VPS13C: variants seen among roughly 807,000 people sequenced by gnomAD.
The protein encoded by VPS13C is vacuolar protein sorting 13 homolog C.
Under a neutral mutation model 456.8 loss-of-function variants are expected in VPS13C, and 358 were observed. The ratio of observed to expected loss-of-function variants is 0.78; its 90% CI spans 0.72 to 0.86. The LOEUF (loss-of-function observed/expected upper bound fraction) is 0.86. VPS13C is among the 40% of genes least tolerant of loss of function. The pLI, the probability that VPS13C is intolerant of heterozygous loss-of-function variation, is 0.00. For missense variants in VPS13C, 4,818 were observed against 4,385.4 expected, an observed-to-expected ratio of 1.10 and a Z score of -2.79; for synonymous variants, 1,578 against 1,486.7, an observed-to-expected ratio of 1.06 and a Z score of -1.41.
chr15:61,925,824 G>T (rs1404331110), intron 52 of VPS13C, among the ~76,000 whole-genome samples: 1 of 152,118 alleles, frequency 6.6e-6, no homozygotes, highest in Admixed American at 6.5e-5. Context: ...TGTTTAAAAT[G>T]TTTCTTTCTG....
intron 75 of VPS13C, among the ~76,000 whole-genome samples, chr15:61,876,295 G>C (rs1216424624): frequency 6.6e-6 from 1 of 151,882 alleles, no homozygotes. Flanking sequence ...TTTAAAAAGG[G>C]AAGTTACACT....
intron 35 of VPS13C, 22 bp downstream of exon 35, chr15:61,961,567 C>T: frequency 6.6e-7 from 1 of 1,505,042 alleles, no homozygotes; most frequent in East Asian, 2.3e-5. Flanking sequence ...TATTTAAATC[C>T]ATAATTATTG....
intron 1 of VPS13C, among the ~76,000 whole-genome samples, chr15:62,054,987 G>A (rs1035087427): frequency 6.6e-6 from 1 of 152,082 alleles, no homozygotes; most frequent in Non-Finnish European, 1.5e-5. Flanking sequence ...TTTGCCCAGG[G>A]TCCCACAGCT....
chr15:61,920,755 G>A (rs766578737), intron 55 of VPS13C, 108 bp from the exon 56 acceptor site: 168 of 974,414 alleles, frequency 1.7e-4, no homozygotes, highest in Admixed American at 2.6e-4. Flanking sequence ...GTAATGCTTC[G>A]CAAAAGTCTT....
intron 37 of VPS13C, among the ~76,000 whole-genome samples, chr15:61,955,436 C>A (rs190707549): frequency 6.6e-6 from 1 of 152,084 alleles, no homozygotes; most frequent in Admixed American, 6.6e-5. Flanking sequence ...ACCATTATTG[C>A]GGTTGACATT....
rs1016565691 is a variant in VPS13C at position 61,906,939 on chromosome 15, T to C, written c.9105+325A>G. ...TAAAAACTCATAGCCAAAAGTGGCA[T>C]AGGTATGTTCAAAATAAAGTTGTTT... On this transcript the variant is annotated intron_variant, in intron 66 of 84. Transcript: ENST00000644861. The C allele has an allele frequency of 3.9e-5, 10 of 257,260 alleles. No homozygotes were observed. The Admixed American group carries it at 4.6e-4, about 12-fold the overall frequency. The allele number at this position is 257,260 out of a possible 1,614,324, so 15.9% of individuals were successfully genotyped here. A position where few individuals can be genotyped will look rare whatever the true frequency, so the allele number is the denominator to read the frequency against.
chr15:61,905,127 G>A (rs2043118405), intron 66 of VPS13C, among the ~76,000 whole-genome samples: 1 of 152,186 alleles, frequency 6.6e-6, no homozygotes, highest in Admixed American at 6.5e-5. Flanking sequence ...TAGAAGAGAA[G>A]ATTTGAAATG....
At chr15:62,013,732 T>G (rs2047126201) in intron 10 of VPS13C, among the ~76,000 whole-genome samples, 1 of 152,032 alleles carries the variant, frequency 6.6e-6, no homozygotes, top group South Asian at 2.1e-4. Flanking sequence ...ATCCTGTATC[T>G]TCACTTGATA....
intron 24 of VPS13C, among the ~76,000 whole-genome samples, chr15:61,976,234 C>G (rs1208788423): frequency 6.6e-6 from 1 of 151,872 alleles, no homozygotes; most frequent in Non-Finnish European, 1.5e-5. Flanking sequence ...GGTTTAACAT[C>G]CACCTGATAA....
At chr15:62,049,234 T>A (rs201397236) in intron 1 of VPS13C, among the ~76,000 whole-genome samples, 6 of 152,008 alleles carry the variant, frequency 3.9e-5, no homozygotes, top group South Asian at 2.1e-4. Context: ...TTTATGGTTT[T>A]AGGTCTAACA....
intron 65 of VPS13C, among the ~76,000 whole-genome samples, chr15:61,908,437 A>G (rs1293743228): frequency 6.6e-6 from 1 of 151,980 alleles, no homozygotes. Flanking sequence ...TTAAATAATG[A>G]CATCATCCAA....
rs748937567 is a variant in VPS13C, at chr15:61,962,355, C to T, written c.3603+16G>A. On this transcript the variant is annotated intron_variant, in intron 34 of 84. Coordinates refer to ENST00000644861, the MANE Select transcript of VPS13C (RefSeq NM_020821.3). Reference sequence around the variant, plus strand: ...ATTTCAAAGTTGAAAAATCAATATACAAATAATTATTTTACCAGAAGTGAC... The same window carrying T: ...ATTTCAAAGTTGAAAAATCAATATATAAATAATTATTTTACCAGAAGTGAC... The T allele has an allele frequency of 6.4e-7, 1 of 1,562,716 alleles. No homozygotes were observed. Among genetic ancestry groups the T allele is most frequent in the African/African-American group, 1.4e-5 (1 of 73,136 alleles).
rs754471759 is a variant in VPS13C, at chr15:61,978,760, G to A, written c.2167-11C>T. 1.3e-6 allele frequency: 2 copies of A among 1,565,324 alleles called. No individual in the cohort carries two copies. Among genetic ancestry groups the A allele is most frequent in the East Asian group, 2.3e-5 (1 of 42,984 alleles). On this transcript the variant is annotated splice_polypyrimidine_tract_variant and intron_variant, in intron 22 of 84. Transcript: ENST00000644861. The stretch of plus-strand genomic sequence containing the variant: ...ATCTTTACTGTTGAGCTAAAATGAA[G>A]GACAAATTTCAATTTTTTTTTCCAA...
At chr15:61,978,872 C>A in intron 22 of VPS13C, 123 bp from the exon 23 acceptor site, 1 of 823,354 alleles carries the variant, frequency 1.2e-6, no homozygotes, top group Non-Finnish European at 1.8e-6. Flanking sequence ...GAAAATACTG[C>A]TCTTAATGAA....
chr15:61,986,165 T>C (rs1411509702), intron 18 of VPS13C, among the ~76,000 whole-genome samples: 1 of 146,276 alleles, frequency 6.8e-6, no homozygotes, highest in Non-Finnish European at 1.5e-5. Context: ...ACTAGATTCA[T>C]GACAAATTGG....
chr15:61,881,023 G>T, intron 71 of VPS13C, 69 bp from the exon 72 acceptor site: 1 of 1,292,596 alleles, frequency 7.7e-7, no homozygotes, highest in Non-Finnish European at 1.1e-6. Context: ...TTAAAACTTT[G>T]ATTTCAGTGA....
intron 37 of VPS13C, among the ~76,000 whole-genome samples, chr15:61,955,277 A>T (rs930313174): frequency 6.6e-6 from 1 of 152,104 alleles, no homozygotes; most frequent in Non-Finnish European, 1.5e-5. Flanking sequence ...TAAGAACTTT[A>T]TTGTCCTTAT....
rs190727938 is a variant in VPS13C at position 61,860,741 on chromosome 15, G to A, written c.10952+2699C>T. 2.5e-4 allele frequency among the ~76,000 whole-genome samples: 38 copies of A among 152,044 alleles called. No individual in the cohort carries two copies. The East Asian group carries it at 5.8e-3, about 23-fold the overall frequency. ...ATGCATTTTTTTGTACATAGTTTTCGTAAAATGTGCCAGCTAATGGGGTTA... is the reference window on the plus strand; with the variant it reads ...ATGCATTTTTTTGTACATAGTTTTCATAAAATGTGCCAGCTAATGGGGTTA... On this transcript the variant is annotated intron_variant, in intron 82 of 84. Coordinates refer to ENST00000644861, the MANE Select transcript of VPS13C (RefSeq NM_020821.3).
chr15:62,002,407 T>C (rs903160355), intron 15 of VPS13C, among the ~76,000 whole-genome samples: 23 of 152,222 alleles, frequency 1.5e-4, no homozygotes, highest in Non-Finnish European at 2.6e-4. Context: ...TCATTATAGA[T>C]TCTGGATATT....
Sources: gnomAD v4.1 joint callset for allele counts (sites outside exome capture counted in the v4.1 genomes callset) on GRCh38, gnomAD v4.1.1 for gene constraint, MANE v1.5 for transcripts, NCBI Gene and HGNC (gene_info 2026-07-23, HGNC 2026-07-21) for gene names.